The following DNAH9 variants were observed in gnomAD, a reference collection of about 807,000 sequenced individuals.
DNAH9 encodes the protein dynein axonemal heavy chain 9.
A neutral mutation model predicts 471.6 loss-of-function variants in DNAH9; 345 were observed. That is an observed-to-expected ratio of 0.73 (90% CI 0.67 to 0.80). The LOEUF is 0.80. DNAH9 is among the 30% of genes least tolerant of loss of function. DNAH9 has a pLI of 0.00. For synonymous variants in DNAH9, 2,093 were observed against 2,123.6 expected (o/e 0.99, Z 0.40); for missense variants, 5,407 against 5,609.2 (o/e 0.96, Z 1.15).
At chr17:11,806,193 A>G (rs1969674893) in intron 43 of DNAH9, among the ~76,000 whole-genome samples, 1 of 152,138 alleles carries the variant, frequency 6.6e-6, no homozygotes, top group Non-Finnish European at 1.5e-5. Context: ...GTATATTCAA[A>G]TCCTCCAATA....
At chr17:11,607,863 C>T (rs2072542917) in intron 1 of DNAH9, among the ~76,000 whole-genome samples, 1 of 152,194 alleles carries the variant, frequency 6.6e-6, no homozygotes, top group Non-Finnish European at 1.5e-5. Flanking sequence ...AACCACCGCA[C>T]TTAGCCGATA....
chr17:11,685,455 T>C (rs893809516), intron 19 of DNAH9, among the ~76,000 whole-genome samples: 2 of 152,022 alleles, frequency 1.3e-5, no homozygotes, highest in Non-Finnish European at 2.9e-5. Context: ...AAAAACATAA[T>C]GTAAAGACCA....
chr17:11,773,731 G>C (rs1439108387), intron 38 of DNAH9, among the ~76,000 whole-genome samples: 1 of 152,196 alleles, frequency 6.6e-6, no homozygotes, highest in Non-Finnish European at 1.5e-5. Flanking sequence ...TTTCAAACAT[G>C]TACAAAAGTA....
chr17:11,616,165 A>C (rs1321002087), intron 4 of DNAH9, among the ~76,000 whole-genome samples: 1 of 152,194 alleles, frequency 6.6e-6, no homozygotes, highest in African/African-American at 2.4e-5. Flanking sequence ...GGAGGGCCCT[A>C]GGAAAGTTAT....
At chr17:11,652,411 G>A (rs926365915) in intron 13 of DNAH9, among the ~76,000 whole-genome samples, 12 of 147,804 alleles carry the variant, frequency 8.1e-5, no homozygotes, top group South Asian at 2.2e-4. Flanking sequence ...TCAGCCTCCC[G>A]AGTAGCTGGG....
chr17:11,681,014 A>T, intron 19 of DNAH9, 125 bp downstream of exon 19: 1 of 914,664 alleles, frequency 1.1e-6, no homozygotes. Flanking sequence ...CTTCCTTCCC[A>T]TTTAGGACCT....
intron 20 of DNAH9, among the ~76,000 whole-genome samples, chr17:11,692,561 C>T (rs1194258355): frequency 6.6e-6 from 1 of 152,122 alleles, no homozygotes. Flanking sequence ...ACGTTAGATC[C>T]ACTATCTACT....
chr17:11,636,465 A>T (rs2073168634), intron 8 of DNAH9, among the ~76,000 whole-genome samples, 169 bp from the exon 9 acceptor site: 1 of 152,250 alleles, frequency 6.6e-6, no homozygotes, highest in Non-Finnish European at 1.5e-5. Flanking sequence ...GAGAAAGACT[A>T]TGAATATCAT....
intron 6 of DNAH9, 161 bp downstream of exon 6, chr17:11,619,942 T>C: frequency 1.7e-6 from 1 of 602,912 alleles, no homozygotes; most frequent in Non-Finnish European, 3.0e-6. Context: ...TCACAGTGGC[T>C]CATGCCTGTA....
chr17:11,622,309 T>G (rs991631363), intron 6 of DNAH9, among the ~76,000 whole-genome samples: 3 of 152,190 alleles, frequency 2.0e-5, no homozygotes, highest in African/African-American at 7.2e-5. Context: ...CTTAAACCCT[T>G]CATCAGGATC....
At chr17:11,946,556 C>T (rs1165414101) in intron 67 of DNAH9, among the ~76,000 whole-genome samples, 10 of 145,750 alleles carry the variant, frequency 6.9e-5, no homozygotes, top group African/African-American at 2.0e-4. Flanking sequence ...CCCAGCCACT[C>T]GGGAGGCTGA....
At chr17:11,888,439 G>C (rs1972952231) in intron 57 of DNAH9, among the ~76,000 whole-genome samples, 1 of 152,146 alleles carries the variant, frequency 6.6e-6, no homozygotes, top group South Asian at 2.1e-4. Context: ...AAGAGTAGTT[G>C]AAATTGACTA....
chr17:11,765,239 T>C (rs1967885780), intron 36 of DNAH9, among the ~76,000 whole-genome samples: 1 of 152,136 alleles, frequency 6.6e-6, no homozygotes, highest in Non-Finnish European at 1.5e-5. Context: ...AGTAAAAATA[T>C]TCAGTTCTGT....
Position 11,654,001 on chromosome 17 carries a change from G to A in DNAH9, c.2595+999G>A, listed in dbSNP as rs942518151. On this transcript the variant is annotated intron_variant, in intron 14 of 68. Transcript: ENST00000262442. ...CAAGAAAATGTAAGATATAGTCCCCGCTTTGAGGTAGAAGAAAACCATCAA... is the reference window on the plus strand; with the variant it reads ...CAAGAAAATGTAAGATATAGTCCCCACTTTGAGGTAGAAGAAAACCATCAA... Among the ~76,000 whole-genome samples, 40 of 152,084 alleles carry A rather than the reference G, an allele frequency of 2.6e-4. 1 individual carries two copies. Among genetic ancestry groups the A allele is most frequent in the Admixed American group, 2.2e-3 (34 of 15,262 alleles).
At position 11,690,328 on chromosome 17, in the gene DNAH9, G is replaced by A. The variant is rs376506215; in HGVS notation, c.4506G>A (p.Leu1502=). ...AGGTGTCGGGCTGGCAGAAGAAGCT[G>A]TCCACAGTGGACGCTGTCATCTCTA... is the stretch of plus-strand genomic sequence containing the variant. ...LEEVSGWQKK[L]STVDAVISIW... Residue 1502 remains leucine (L), a synonymous_variant, in exon 20 of 69, where the codon CTG becomes CTA. Coordinates refer to ENST00000262442, the MANE Select transcript of DNAH9 (RefSeq NM_001372.4). 32 of 1,614,186 alleles carry A rather than the reference G, an allele frequency of 2.0e-5. No homozygotes were observed. The highest frequency in any genetic ancestry group is 3.3e-4 in the Middle Eastern group (2 of 6,060).
chr17:11,939,480 G>A (rs1173440019), intron 66 of DNAH9, among the ~76,000 whole-genome samples: 3 of 152,290 alleles, frequency 2.0e-5, no homozygotes, highest in South Asian at 2.1e-4. Context: ...TGTGGGACAC[G>A]TGTGCAGGTT....
rs143838868 is a variant in DNAH9 at position 11,690,108 on chromosome 17, A to C, written c.4286A>C (p.Lys1429Thr). The C allele has an allele frequency of 1.2e-6, 2 of 1,614,162 alleles. No homozygotes were observed. Among genetic ancestry groups the C allele is most frequent in the Admixed American group, 3.3e-5 (2 of 60,008 alleles). Residue 1429 changes from lysine (K) to threonine (T), a missense_variant, in exon 20 of 69, where the codon AAA (lysine) becomes ACA (threonine). Lys to Thr is a moderately conservative substitution (Grantham distance 78). Transcript: ENST00000262442. ...EVRGIVDKAA[K>T]EMGMEKTLKE... ...CGGGGCATTGTGGACAAAGCTGCAA[A>C]AGAGATGGGTATGGAGAAAACCTTA...
chr17:11,727,762 C>T (rs745781805), intron 27 of DNAH9, 56 bp from the exon 28 acceptor site: 74 of 1,187,546 alleles, frequency 6.2e-5, no homozygotes, highest in Non-Finnish European at 8.9e-5. Context: ...ATGGCTTCAA[C>T]ATGTATTGAT....
At chr17:11,969,185 A>T in intron 68 of DNAH9, 115 bp from the exon 69 acceptor site, 1 of 873,934 alleles carries the variant, frequency 1.1e-6, no homozygotes, top group South Asian at 1.6e-5. Context: ...GGGCAGGCAT[A>T]AAGGCAGCCA....
Sources: gnomAD v4.1 joint callset for allele counts (sites outside exome capture counted in the v4.1 genomes callset) on GRCh38, gnomAD v4.1.1 for gene constraint, MANE v1.5 for transcripts, NCBI Gene and HGNC (gene_info 2026-07-23, HGNC 2026-07-21) for gene names.